Variants in FREM1 observed in about 807,000 individuals in gnomAD.
The protein encoded by FREM1 is FRAS1-related extracellular matrix protein 1.
FREM1 carries 220 observed loss-of-function variants against 210.1 expected under a neutral mutation model. The observed-to-expected ratio is 1.05, with a 90% CI of 0.94 to 1.17. The LOEUF (loss-of-function observed/expected upper bound fraction) is 1.17, where lower values mean the gene tolerates loss of function less well. FREM1 is among the 50% of genes most tolerant of loss of function. The pLI, the probability that FREM1 is intolerant of heterozygous loss-of-function variation, is 0.00. For synonymous variants in FREM1, 1,189 were observed against 980.2 expected (o/e 1.21, Z -3.98); for missense variants, 3,454 against 2,675.5 (o/e 1.29, Z -6.42).
chr9:14,838,127 G>A (rs1404831255), intron 10 of FREM1, among the ~76,000 whole-genome samples: 1 of 152,152 alleles, frequency 6.6e-6, no homozygotes, highest in African/African-American at 2.4e-5. Flanking sequence ...GTTTTGCTGT[G>A]TGTGTCAATT....
chr9:14,768,779 G>T (rs1422545139), intron 27 of FREM1, among the ~76,000 whole-genome samples: 1 of 152,094 alleles, frequency 6.6e-6, no homozygotes, highest in Non-Finnish European at 1.5e-5. Flanking sequence ...GACTGCAGAG[G>T]AGTTTCTCAG....
At chr9:14,753,927 A>G (rs1843816989) in intron 29 of FREM1, among the ~76,000 whole-genome samples, 2 of 152,222 alleles carry the variant, frequency 1.3e-5, no homozygotes. Context: ...ATCTAAAATC[A>G]TAAGATTATT....
At position 14,859,337 on chromosome 9, in the gene FREM1, G is replaced by T. The variant is rs1184144740; in HGVS notation, c.477C>A (p.Leu159=). Residue 159 remains leucine (L), a synonymous_variant, in exon 4 of 37, where the codon CTC becomes CTA. Transcript: ENST00000380880. ...TAGCCATCCTATCATAATCGAATCT[G>T]AGCAGATTTTTATCAATCGCTTGGG... ...GLSQAIDKNL[L]RFDYDRMASL... is the part of the protein sequence containing the mutation. The T allele has an allele frequency of 1.2e-6, 2 of 1,613,854 alleles. No individual in the cohort carries two copies. The highest frequency in any genetic ancestry group is 2.7e-5 in the African/African-American group (2 of 74,986).
At chr9:14,740,810 C>T (rs193269055) in intron 35 of FREM1, among the ~76,000 whole-genome samples, 22 of 152,204 alleles carry the variant, frequency 1.4e-4, no homozygotes, top group African/African-American at 5.1e-4. Context: ...TTTTTACAAA[C>T]ATATGTAAAA....
chr9:14,905,554 G>C lies in FREM1; in HGVS notation c.-268+4360C>G, dbSNP rs10961787. 2.2e-3 allele frequency among the ~76,000 whole-genome samples: 331 copies of C among 152,288 alleles called. 9 individuals carry two copies. The East Asian group carries it at 0.055, about 25-fold the overall frequency. ...TTTCTCAATACCAAACAATTTCATA[G>C]TCTTGAGCTCACGGATCTGTGTCAG... On this transcript the variant is annotated intron_variant, in intron 1 of 36. Transcript: ENST00000380880.
At chr9:14,860,659 A>T (rs62537683) in intron 3 of FREM1, among the ~76,000 whole-genome samples, 1 of 135,094 alleles carries the variant, frequency 7.4e-6, no homozygotes, top group African/African-American at 3.1e-5. Context: ...ATATACACAT[A>T]TATACATATA....
Position 14,747,355 on chromosome 9 carries a change from A to G in FREM1, c.5918T>C (p.Ile1973Thr), listed in dbSNP as rs759680427. Residue 1973 changes from isoleucine to threonine, a missense_variant, in exon 33 of 37, where the codon ATC becomes ACC. Ile to Thr is a moderately conservative substitution (Grantham distance 89). Transcript: ENST00000380880. ...PTHKRKAKVS[I>T]ISQPQKTIKV... The stretch of plus-strand genomic sequence containing the variant: ...GATTGTCTTTTGTGGCTGACTAATG[A>G]TGGATACTTTGGCCTTCCTTTTGTG... 3.1e-6 allele frequency: 5 copies of G among 1,613,760 alleles called. No individual in the cohort carries two copies. The highest frequency in any genetic ancestry group is 4.2e-6 in the Non-Finnish European group (5 of 1,179,748).
Position 14,797,605 on chromosome 9 carries a change from G to A in FREM1, c.3732C>T (p.Ser1244=). 6.2e-7 allele frequency: 1 copy of A among 1,611,582 alleles called. No homozygotes were observed. The highest frequency in any genetic ancestry group is 8.5e-7 in the Non-Finnish European group (1 of 1,178,374). The change falls in exon 21 of 37, where the codon AGC becomes AGT. Residue 1244 remains serine (S), a synonymous_variant. Transcript: ENST00000380880. The part of the protein sequence containing the change: ...RLTYMHDDSE[S]LADDFTIQLS... ...ATTGGATTGTAAAATCATCAGCAAG[G>A]CTCTCTGAGTCATCATGCATGTACG... is the stretch of plus-strand genomic sequence containing the variant.
chr9:14,823,420 T>G, intron 12 of FREM1, 93 bp from the exon 13 acceptor site: 1 of 1,125,600 alleles, frequency 8.9e-7, no homozygotes, highest in Non-Finnish European at 1.3e-6. Context: ...TAATTGATAT[T>G]GAACACTGTA....
At chr9:14,890,743 C>T (rs1311598700) in intron 1 of FREM1, among the ~76,000 whole-genome samples, 1 of 152,168 alleles carries the variant, frequency 6.6e-6, no homozygotes, top group Non-Finnish European at 1.5e-5. Flanking sequence ...CCTGTTTCTA[C>T]AGAGGCCTTC....
rs1183464567 is a variant in FREM1, at chr9:14,750,275, T to C, written c.5409A>G (p.Gly1803=). ...CTATATTCCACATCTTAGTTGACAT[T>C]CCTACAAGAAGTAAACATTTTAATT... The part of the protein sequence containing the change: ...IPSKLIQFDP[G]MSTKMWNIAI... Residue 1803 remains glycine, a splice_region_variant and synonymous_variant, in exon 30 of 37, where the codon GGA becomes GGG. Transcript: ENST00000380880. 6.2e-7 allele frequency: 1 copy of C among 1,606,010 alleles called. No individual in the cohort carries two copies. The highest frequency in any genetic ancestry group is 1.1e-5 in the South Asian group (1 of 89,626).
chr9:14,893,734 C>G (rs769178332), intron 1 of FREM1, among the ~76,000 whole-genome samples: 3 of 152,002 alleles, frequency 2.0e-5, no homozygotes, highest in Non-Finnish European at 2.9e-5. Flanking sequence ...TGGTAAAAGA[C>G]TATAAGAAGT....
chr9:14,806,948 C>T, intron 17 of FREM1, 102 bp from the exon 18 acceptor site: 1 of 614,098 alleles, frequency 1.6e-6, no homozygotes. Context: ...AGAGAAGCCT[C>T]CCACGTGCAA....
intron 1 of FREM1, among the ~76,000 whole-genome samples, chr9:14,898,833 G>C (rs1838245979): frequency 1.3e-5 from 2 of 152,172 alleles, no homozygotes; most frequent in Non-Finnish European, 2.9e-5. Flanking sequence ...CTCATCCATT[G>C]TAACAAATGC....
intron 5 of FREM1, among the ~76,000 whole-genome samples, chr9:14,853,170 T>A (rs10961756): frequency 0.021 from 3,266 of 152,258 alleles, 93 homozygotes; most frequent in East Asian, 0.13. Context: ...AGAGAGCTGA[T>A]GCAGGGCTCA....
intron 1 of FREM1, among the ~76,000 whole-genome samples, chr9:14,897,350 G>A (rs1262247835): frequency 1.3e-5 from 2 of 152,080 alleles, no homozygotes; most frequent in African/African-American, 2.4e-5. Context: ...AGACAGCTTG[G>A]GGAGCCCAGG....
At chr9:14,855,540 T>C (rs1370152629) in intron 5 of FREM1, among the ~76,000 whole-genome samples, 5 of 152,118 alleles carry the variant, frequency 3.3e-5, no homozygotes, top group Non-Finnish European at 5.9e-5. Flanking sequence ...ATAGTATAAA[T>C]GCGATTCCAT....
chr9:14,852,619 A>G (rs1356050926), intron 5 of FREM1, among the ~76,000 whole-genome samples: 1 of 152,240 alleles, frequency 6.6e-6, no homozygotes, highest in Non-Finnish European at 1.5e-5. Flanking sequence ...ACTTGAGCCC[A>G]GGAGTTTGAA....
In FREM1 at chr9:14,748,487, C is replaced by G; in HGVS notation, c.5710G>C (p.Ala1904Pro). The G allele has an allele frequency of 6.2e-7, 1 of 1,613,846 alleles. No individual in the cohort carries two copies. The highest frequency in any genetic ancestry group is 8.5e-7 in the Non-Finnish European group (1 of 1,179,790). Residue 1904 changes from alanine (A) to proline (P), a missense_variant, in exon 31 of 37, where the codon GCA becomes CCA. By Grantham distance (27) the Ala-to-Pro change is conservative. Transcript: ENST00000380880. ...RRPLPSSMQLAVIRGDTLRGF... is the reference protein window; with the variant it reads ...RRPLPSSMQLPVIRGDTLRGF... ...CGCAGGGTGTCTCCCCTGATGACTG[C>G]TAGCTGCATGGAAGATGGAAGAGGT...
Sources: allele counts gnomAD v4.1 joint callset (sites outside exome capture counted in the v4.1 genomes callset), GRCh38; gene constraint gnomAD v4.1.1; transcripts MANE v1.5; gene names NCBI Gene and HGNC (gene_info 2026-07-23, HGNC 2026-07-21).